The following LRGUK variants were observed in gnomAD, a reference collection of about 807,000 sequenced individuals.
LRGUK encodes the protein leucine-rich repeat and guanylate kinase domain-containing protein.
A neutral mutation model predicts 76.0 loss-of-function variants in LRGUK; 65 were observed. The ratio of observed to expected loss-of-function variants is 0.85; its 90% confidence interval spans 0.70 to 1.05. The LOEUF is 1.05. Ranked by LOEUF, LRGUK falls within the 50% of genes least tolerant of loss-of-function variation. LRGUK has a pLI of 0.00. For missense variants in LRGUK, 758 were observed against 732.8 expected, an observed-to-expected ratio of 1.03 and a Z score of -0.40; for synonymous variants, 268 against 265.6, an observed-to-expected ratio of 1.01 and a Z score of -0.09.
rs964841977 is a variant in LRGUK, at chr7:134,163,321, C to T, written c.796-76C>T. 18 of 1,368,752 alleles carry T rather than the reference C, an allele frequency of 1.3e-5. No individual in the cohort carries two copies. In the Admixed American group the frequency reaches 3.6e-4, roughly 27 times the overall value. The allele number at this position is 1,368,752 out of a possible 1,614,324, so 84.8% of individuals were successfully genotyped here. ...TTTTTAGAGAGATTTGGGTCAGTAT[C>T]CCAAATGAAAACTTGCCATTACAAC... On this transcript the variant is annotated intron_variant, in intron 6 of 15. Coordinates refer to ENST00000645682, the Ensembl canonical transcript of LRGUK.
intron 1 of LRGUK, among the ~76,000 whole-genome samples, chr7:134,130,172 C>A (rs148636496): frequency 2.0e-5 from 3 of 152,144 alleles, no homozygotes; most frequent in South Asian, 4.2e-4. Context: ...TTATTCTATT[C>A]GTTATTACTT....
intron 18 of LRGUK, among the ~76,000 whole-genome samples, chr7:134,253,776 C>T (rs762237265): frequency 2.6e-5 from 4 of 152,194 alleles, no homozygotes; most frequent in Non-Finnish European, 5.9e-5. Context: ...GATGGTGCCA[C>T]TACACTCCAG....
chr7:134,181,645 G>A (rs1217794689), intron 10 of LRGUK, among the ~76,000 whole-genome samples: 3 of 151,730 alleles, frequency 2.0e-5, no homozygotes, highest in Admixed American at 6.6e-5. Flanking sequence ...TTCAATATTT[G>A]TCACTTTCTT....
At chr7:134,196,785 T>A (rs1175937390) in intron 12 of LRGUK, among the ~76,000 whole-genome samples, 2 of 147,082 alleles carry the variant, frequency 1.4e-5, no homozygotes, top group Non-Finnish European at 3.0e-5. Flanking sequence ...AAAAACCTAT[T>A]TTTTTTTTGT....
chr7:134,145,234 T>C (rs1797919380), intron 4 of LRGUK, among the ~76,000 whole-genome samples: 1 of 151,922 alleles, frequency 6.6e-6, no homozygotes, highest in Non-Finnish European at 1.5e-5. Flanking sequence ...TCCTGGTGTA[T>C]GTTTTCTTTT....
chr7:134,140,217 G>C (rs574842328), intron 3 of LRGUK, among the ~76,000 whole-genome samples: 2 of 152,208 alleles, frequency 1.3e-5, no homozygotes, highest in South Asian at 4.2e-4. Flanking sequence ...TGATCTGCCC[G>C]CATCAGCCTC....
chr7:134,239,353 A>G (rs1802082518), intron 16 of LRGUK, among the ~76,000 whole-genome samples: 1 of 152,172 alleles, frequency 6.6e-6, no homozygotes, highest in Non-Finnish European at 1.5e-5. Flanking sequence ...TCCCACACTA[A>G]TACTGCACTT....
At chr7:134,243,082 C>A (rs1197787279) in intron 16 of LRGUK, among the ~76,000 whole-genome samples, 2 of 152,102 alleles carry the variant, frequency 1.3e-5, no homozygotes, top group Non-Finnish European at 2.9e-5. Flanking sequence ...TTATGACAAA[C>A]CCACAGCCAA....
chr7:134,177,378 T>A (rs2346972), intron 9 of LRGUK, among the ~76,000 whole-genome samples: 1,639 of 152,300 alleles, frequency 0.011, 37 homozygotes, highest in African/African-American at 0.038. Context: ...TTGAAAAACT[T>A]TCCTGTTTGG....
At chr7:134,209,837 C>A in exon 16 of LRGUK, 1 of 399,358 alleles carries the variant, frequency 2.5e-6, no homozygotes, top group Non-Finnish European at 4.4e-6. Flanking sequence ...TCCCCCCAGC[C>A]AGGAGCAAGC....
At chr7:134,146,860 C>G (rs1392280498) in intron 4 of LRGUK, among the ~76,000 whole-genome samples, 1 of 152,026 alleles carries the variant, frequency 6.6e-6, no homozygotes, top group Non-Finnish European at 1.5e-5. Context: ...TATGTAATTG[C>G]TTGATGGTTT....
chr7:134,261,326 A>C (rs962521681), intron 19 of LRGUK, among the ~76,000 whole-genome samples: 1 of 151,630 alleles, frequency 6.6e-6, no homozygotes, highest in African/African-American at 2.4e-5. Flanking sequence ...TTTTGTTTTC[A>C]TCTTTTTATC....
chr7:134,273,976 G>A, the LRGUK span, among the ~76,000 whole-genome samples: 1 of 152,120 alleles, frequency 6.6e-6, no homozygotes, highest in Non-Finnish European at 1.5e-5. Flanking sequence ...AAATAGAGAA[G>A]TTTTTAACTC....
At chr7:134,170,651 T>C (rs1799201496) in intron 7 of LRGUK, among the ~76,000 whole-genome samples, 1 of 152,138 alleles carries the variant, frequency 6.6e-6, no homozygotes, top group African/African-American at 2.4e-5. Context: ...ATTTACCCCA[T>C]AAATATGTAC....
intron 5 of LRGUK, among the ~76,000 whole-genome samples, chr7:134,150,275 T>G (rs934565749): frequency 1.1e-3 from 81 of 71,088 alleles, no homozygotes; most frequent in African/African-American, 5.6e-3. Flanking sequence ...AGACTCTGTC[T>G]CAAAAAACAA....
At chr7:134,175,158 C>T (rs1253721306) in intron 8 of LRGUK, among the ~76,000 whole-genome samples, 1 of 152,132 alleles carries the variant, frequency 6.6e-6, no homozygotes, top group Non-Finnish European at 1.5e-5. Flanking sequence ...GAGTTCTTCA[C>T]ACCTCTGGGA....
intron 15 of LRGUK, among the ~76,000 whole-genome samples, chr7:134,202,828 AG>A (rs374112345): frequency 6.6e-6 from 1 of 152,176 alleles, no homozygotes; most frequent in African/African-American, 2.4e-5. Context: ...CAGTTTGAGA[AG>A]ATGAAAAGAG....
intron 9 of LRGUK, 91 bp downstream of exon 9, chr7:134,177,154 T>C: frequency 2.8e-6 from 2 of 705,562 alleles, no homozygotes; most frequent in Non-Finnish European, 4.9e-6. Context: ...ATATAATCAA[T>C]AAATAAGACA....
intron 6 of LRGUK, among the ~76,000 whole-genome samples, chr7:134,162,568 A>G (rs113797580): frequency 1.3e-5 from 2 of 152,036 alleles, no homozygotes; most frequent in South Asian, 4.1e-4. Context: ...GGCTCACGCC[A>G]GTGATCCCAG....
Sources: allele counts gnomAD v4.1 joint callset (sites outside exome capture counted in the v4.1 genomes callset), GRCh38; gene constraint gnomAD v4.1.1; transcripts MANE v1.5; gene names NCBI Gene and HGNC (gene_info 2026-07-23, HGNC 2026-07-21).